PNPT1: variants seen among roughly 807,000 people sequenced by gnomAD.
PNPT1 encodes the protein polyribonucleotide nucleotidyltransferase 1.
In PNPT1, 53 loss-of-function variants were observed where a neutral mutation model predicts 119.5. The ratio of observed to expected loss-of-function variants is 0.44; its 90% CI spans 0.36 to 0.56. The LOEUF is 0.56. Among genes scored for constraint, PNPT1 ranks in the 20% least tolerant of loss-of-function variants. The pLI is 0.00. For missense variants in PNPT1, 948 were observed against 938.5 expected (o/e 1.01, Z -0.13); for synonymous variants, 357 against 322.1 (o/e 1.11, Z -1.16).
At chr2:55,678,400 C>G (rs768542884) in intron 8 of PNPT1, among the ~76,000 whole-genome samples, 1 of 152,170 alleles carries the variant, frequency 6.6e-6, no homozygotes, top group Non-Finnish European at 1.5e-5. Context: ...CACTTGCAGT[C>G]GAGGCTATAG....
intron 13 of PNPT1, among the ~76,000 whole-genome samples, chr2:55,665,212 A>G (rs1696697103): frequency 6.6e-6 from 1 of 152,226 alleles, no homozygotes; most frequent in South Asian, 2.1e-4. Flanking sequence ...AAGTATTAGT[A>G]AATAATGTAT....
intron 18 of PNPT1, among the ~76,000 whole-genome samples, chr2:55,650,843 C>A (rs549223077): frequency 6.6e-6 from 1 of 151,938 alleles, no homozygotes; most frequent in Admixed American, 6.5e-5. Flanking sequence ...GCCACCCCGT[C>A]TGGGAAGTGA....
At chr2:55,654,220 G>A (rs1194469509) in intron 18 of PNPT1, among the ~76,000 whole-genome samples, 1 of 143,104 alleles carries the variant, frequency 7.0e-6, no homozygotes, top group Non-Finnish European at 1.5e-5. Flanking sequence ...CTGCACCACT[G>A]CACTTCAGCC....
chr2:55,667,805 A>C (rs1696783461), intron 12 of PNPT1, 57 bp downstream of exon 12: 2 of 1,554,960 alleles, frequency 1.3e-6, no homozygotes, highest in Non-Finnish European at 8.6e-7. Flanking sequence ...TTCCATTTTC[A>C]AGGCAACTTG....
chr2:55,647,506 A>C (rs1696039488), intron 18 of PNPT1, 53 bp from the exon 19 acceptor site: 1 of 1,385,894 alleles, frequency 7.2e-7, no homozygotes, highest in East Asian at 2.3e-5. Context: ...AGCCTAAAAC[A>C]AATATTTATC....
intron 15 of PNPT1, 86 bp downstream of exon 15, chr2:55,660,071 T>A: frequency 7.4e-7 from 1 of 1,355,860 alleles, no homozygotes; most frequent in Non-Finnish European, 9.9e-7. Context: ...ACCACTCCAC[T>A]CCAGCCTGGA....
At chr2:55,676,041 A>G (rs777513969) in intron 8 of PNPT1, among the ~76,000 whole-genome samples, 1 of 152,050 alleles carries the variant, frequency 6.6e-6, no homozygotes, top group Non-Finnish European at 1.5e-5. Context: ...CAGGTGGATC[A>G]CCTGAGTTCA....
chr2:55,642,500 C>T (rs1023213379), intron 25 of PNPT1, among the ~76,000 whole-genome samples: 7 of 145,536 alleles, frequency 4.8e-5, no homozygotes, highest in East Asian at 4.2e-4. Context: ...TCCCAGCTAC[C>T]GGGGAGGATG....
chr2:55,638,334 G>C (rs10172506), intron 26 of PNPT1, among the ~76,000 whole-genome samples: 20,772 of 149,460 alleles, frequency 0.14, 2,906 homozygotes, highest in African/African-American at 0.36. Context: ...TAATTATAAA[G>C]ATTTAAAATA....
At chr2:55,693,416 G>T (rs1697685028) in intron 1 of PNPT1, among the ~76,000 whole-genome samples, 1 of 152,202 alleles carries the variant, frequency 6.6e-6, no homozygotes, top group East Asian at 1.9e-4. Flanking sequence ...GAAGTCAGGT[G>T]GACGGACAGA....
chr2:55,668,064 G>T, intron 11 of PNPT1, 106 bp from the exon 12 acceptor site: 1 of 978,312 alleles, frequency 1.0e-6, no homozygotes, highest in Non-Finnish European at 1.5e-6. Flanking sequence ...ATCAACCAAG[G>T]GAGATGACTC....
chr2:55,648,593 G>A (rs556444874), intron 18 of PNPT1, among the ~76,000 whole-genome samples: 2 of 152,012 alleles, frequency 1.3e-5, no homozygotes, highest in African/African-American at 2.4e-5. Context: ...ACTATTTCAT[G>A]TTCATAAACC....
chr2:55,660,056 A>G, intron 15 of PNPT1, 101 bp downstream of exon 15: 1 of 1,190,650 alleles, frequency 8.4e-7, no homozygotes, highest in Non-Finnish European at 1.1e-6. Flanking sequence ...GTGAGCTGAG[A>G]CTGCACCACT....
At chr2:55,638,322 G>A (rs1217603587) in intron 26 of PNPT1, among the ~76,000 whole-genome samples, 1 of 147,196 alleles carries the variant, frequency 6.8e-6, no homozygotes, top group Non-Finnish European at 1.5e-5. Context: ...AAAAAAATCA[G>A]TTAATTATAA....
At chr2:55,646,238 G>A (rs760734998) in intron 21 of PNPT1, 21 bp downstream of exon 21, 4 of 1,595,080 alleles carry the variant, frequency 2.5e-6, no homozygotes, top group East Asian at 2.2e-5. Flanking sequence ...AATGAAGGGA[G>A]AATCAAGCAC....
chr2:55,644,884 A>G, intron 22 of PNPT1, 164 bp from the exon 23 acceptor site: 1 of 473,364 alleles, frequency 2.1e-6, no homozygotes, highest in Non-Finnish European at 3.7e-6. Context: ...AAAACTGTTA[A>G]AGAATATTCC....
chr2:55,682,302 A>G (rs1434506049), intron 5 of PNPT1, among the ~76,000 whole-genome samples: 1 of 151,418 alleles, frequency 6.6e-6, no homozygotes, highest in Admixed American at 6.6e-5. Flanking sequence ...TATTAAAAAC[A>G]GAAAAAAATT....
chr2:55,679,028 T>C (rs1005213447), intron 8 of PNPT1, among the ~76,000 whole-genome samples: 1 of 152,178 alleles, frequency 6.6e-6, no homozygotes, highest in African/African-American at 2.4e-5. Context: ...AAATAATCTG[T>C]CCAAGATCAC....
At chr2:55,678,094 C>A (rs532128294) in intron 8 of PNPT1, among the ~76,000 whole-genome samples, 20 of 152,272 alleles carry the variant, frequency 1.3e-4, no homozygotes, top group African/African-American at 4.8e-4. Flanking sequence ...TATTAGGTAA[C>A]ATGCTGGGCA....
Sources: gnomAD v4.1 joint callset for allele counts (sites outside exome capture counted in the v4.1 genomes callset) on GRCh38, gnomAD v4.1.1 for gene constraint, MANE v1.5 for transcripts, NCBI Gene and HGNC (gene_info 2026-07-23, HGNC 2026-07-21) for gene names.